CSMD3: variants seen among roughly 807,000 people sequenced by gnomAD.
CSMD3 encodes CUB and Sushi multiple domains 3, also known as CUB and sushi domain-containing protein 3.
Under a neutral mutation model 435.2 loss-of-function variants are expected in CSMD3, and 177 were observed. The ratio of observed to expected loss-of-function variants is 0.41; its 90% CI spans 0.36 to 0.46. CSMD3 has a LOEUF of 0.46. Among genes scored for constraint, CSMD3 ranks in the 20% least tolerant of loss-of-function variants. The pLI is 0.34. For synonymous variants in CSMD3, 1,656 were observed against 1,520.5 expected, an observed-to-expected ratio of 1.09 and a Z score of -2.07; for missense variants, 4,265 against 4,504.6, an observed-to-expected ratio of 0.95 and a Z score of 1.52.
intron 5 of CSMD3, among the ~76,000 whole-genome samples, chr8:113,036,913 A>G (rs905440931): frequency 6.6e-6 from 1 of 152,116 alleles, no homozygotes. Context: ...GAGACATTTT[A>G]GCATGTGAAC....
chr8:112,626,269 T>G (rs1834466964), intron 22 of CSMD3, among the ~76,000 whole-genome samples: 1 of 152,068 alleles, frequency 6.6e-6, no homozygotes, highest in African/African-American at 2.4e-5. Flanking sequence ...GCCACCAAAC[T>G]CAAGGCCAGT....
chr8:112,597,802 T>C (rs1586768430), intron 22 of CSMD3, among the ~76,000 whole-genome samples: 1 of 106,988 alleles, frequency 9.3e-6, no homozygotes, highest in South Asian at 3.8e-4. Flanking sequence ...AAAAAGCCTT[T>C]GACAAAATTC....
At chr8:112,428,808 C>A (rs931563222) in intron 32 of CSMD3, among the ~76,000 whole-genome samples, 1 of 152,114 alleles carries the variant, frequency 6.6e-6, no homozygotes, top group African/African-American at 2.4e-5. Flanking sequence ...TTCCACCCTA[C>A]CATGTTCATA....
intron 5 of CSMD3, among the ~76,000 whole-genome samples, chr8:113,027,791 C>T (rs955835407): frequency 6.6e-6 from 1 of 152,078 alleles, no homozygotes; most frequent in African/African-American, 2.4e-5. Context: ...TCCCACTTAT[C>T]ACTTATTTCC....
At chr8:112,963,256 G>A (rs72682180) in intron 7 of CSMD3, among the ~76,000 whole-genome samples, 3,393 of 152,038 alleles carry the variant, frequency 0.022, 59 homozygotes, top group South Asian at 0.031. Context: ...TAACAGCCCA[G>A]CTGCTGCTAC....
At chr8:113,351,173 G>C (rs984845091) in intron 1 of CSMD3, among the ~76,000 whole-genome samples, 1 of 152,074 alleles carries the variant, frequency 6.6e-6, no homozygotes, top group Admixed American at 6.6e-5. Flanking sequence ...CCAGAAAACT[G>C]AGTGTTTGTT....
In CSMD3 at chr8:112,556,947, T is replaced by G. The variant is rs1397675185; in HGVS notation, c.4050A>C (p.Glu1350Asp). The change falls in exon 25 of 71, where the codon GAA becomes GAC. Residue 1350 changes from glutamate (E) to aspartate (D), a missense_variant. Glu to Asp is a conservative substitution (Grantham distance 45). Coordinates refer to ENST00000297405, the MANE Select transcript of CSMD3 (RefSeq NM_198123.2). ...EGFQLVYTSF[E>D]LSHCEDPGIP... Reference sequence around the variant, plus strand: ...TGCCAGGATCTTCACAGTGTGAGAGTTCAAAACCTGGGACAAAAATATAAA... The same window carrying G: ...TGCCAGGATCTTCACAGTGTGAGAGGTCAAAACCTGGGACAAAAATATAAA... 1.9e-6 allele frequency: 3 copies of G among 1,609,510 alleles called. No individual in the cohort carries two copies. The East Asian group carries it at 6.7e-5, about 36-fold the overall frequency.
At chr8:112,756,679 G>T (rs942250995) in intron 13 of CSMD3, among the ~76,000 whole-genome samples, 1 of 151,916 alleles carries the variant, frequency 6.6e-6, no homozygotes, top group Admixed American at 6.6e-5. Flanking sequence ...CATGTACTAC[G>T]TTAGAATGAA....
chr8:113,424,967 G>T (rs913195233), intron 1 of CSMD3, among the ~76,000 whole-genome samples: 1 of 151,404 alleles, frequency 6.6e-6, no homozygotes, highest in Non-Finnish European at 1.5e-5. Flanking sequence ...GATTATTTTG[G>T]TATTATATAC....
chr8:113,187,948 T>G (rs1460084716), intron 3 of CSMD3, among the ~76,000 whole-genome samples: 1 of 151,976 alleles, frequency 6.6e-6, no homozygotes, highest in African/African-American at 2.4e-5. Flanking sequence ...TCAATATGTT[T>G]CATGTATTCT....
chr8:113,327,966 G>C (rs1042759400), intron 1 of CSMD3, among the ~76,000 whole-genome samples: 3 of 152,092 alleles, frequency 2.0e-5, no homozygotes, highest in African/African-American at 7.2e-5. Context: ...AGCTGAGAGA[G>C]AACCAGTCTC....
intron 30 of CSMD3, among the ~76,000 whole-genome samples, chr8:112,501,024 T>G: frequency 6.6e-6 from 1 of 152,084 alleles, no homozygotes; most frequent in East Asian, 1.9e-4. Flanking sequence ...CTATAAAATC[T>G]GACGCAGTCA....
rs2082902237 is a variant in CSMD3, at chr8:112,926,136, C to G, written c.1509-4385G>C. Among the ~76,000 whole-genome samples the G allele has an allele frequency of 3.3e-5, 5 of 152,140 alleles. No individual in the cohort carries two copies. The South Asian group carries it at 1.0e-3, about 31-fold the overall frequency. ...TAGCCTTTCCAGTAAAATCCAGGCT[C>G]AATCATCAGGAAATGGATATCTTAA... is the stretch of plus-strand genomic sequence containing the variant. On this transcript the variant is annotated intron_variant, in intron 9 of 70. Transcript: ENST00000297405.
At chr8:113,376,697 G>GA in intron 1 of CSMD3, 1 of 1,612,888 alleles carries the variant, frequency 6.2e-7, no homozygotes, top group Non-Finnish European at 8.5e-7. Flanking sequence ...CACAAGGACC[G>GA]AAAGGTTCGG....
intron 4 of CSMD3, among the ~76,000 whole-genome samples, chr8:113,135,358 T>C (rs2091391568): frequency 6.6e-6 from 1 of 151,922 alleles, no homozygotes; most frequent in Non-Finnish European, 1.5e-5. Context: ...GTCAGCTCAA[T>C]TGCAAATCCA....
intron 63 of CSMD3, among the ~76,000 whole-genome samples, chr8:112,248,390 T>A (rs898309498): frequency 2.6e-5 from 4 of 152,116 alleles, no homozygotes; most frequent in African/African-American, 9.7e-5. Flanking sequence ...CCATTTTACA[T>A]TTGAGTGGAT....
At chr8:112,650,382 G>C (rs758485042) in intron 18 of CSMD3, 33 bp from the exon 19 acceptor site, 1 of 1,549,174 alleles carries the variant, frequency 6.5e-7, no homozygotes, top group East Asian at 2.2e-5. Context: ...TAAAGAGTAA[G>C]CTTGGTGGGA....
intron 3 of CSMD3, among the ~76,000 whole-genome samples, chr8:113,269,843 CT>C (rs1305423531): frequency 6.6e-6 from 1 of 151,788 alleles, no homozygotes; most frequent in African/African-American, 2.4e-5. Context: ...AATGTTAGAC[CT>C]AAAACCATAA....
chr8:112,770,033 A>C (rs2078072392), intron 13 of CSMD3, among the ~76,000 whole-genome samples: 1 of 152,190 alleles, frequency 6.6e-6, no homozygotes, highest in South Asian at 2.1e-4. Context: ...TAATAAATCA[A>C]CACAAAAGCA....
Sources: gnomAD v4.1 joint callset for allele counts (sites outside exome capture counted in the v4.1 genomes callset) on GRCh38, gnomAD v4.1.1 for gene constraint, MANE v1.5 for transcripts, NCBI Gene and HGNC (gene_info 2026-07-23, HGNC 2026-07-21) for gene names.